Variants in LAMA1 observed in about 807,000 individuals in gnomAD.
LAMA1 encodes the protein laminin subunit alpha-1.
Under a neutral mutation model 348.7 loss-of-function variants are expected in LAMA1, and 219 were observed. The observed-to-expected ratio is 0.63, with a 90% CI of 0.56 to 0.70. The LOEUF (loss-of-function observed/expected upper bound fraction) is 0.70, where lower values mean the gene tolerates loss of function less well. Among genes scored for constraint, LAMA1 ranks in the 30% least tolerant of loss-of-function variants. The probability of loss-of-function intolerance (pLI) is 0.00; values close to 1 mark genes in which losing one functional copy is unlikely to be tolerated. For synonymous variants in LAMA1, 1,487 were observed against 1,491.0 expected, an observed-to-expected ratio of 1.00 and a Z score of 0.06; for missense variants, 3,744 against 3,888.0, an observed-to-expected ratio of 0.96 and a Z score of 0.99.
At chr18:7,018,399 C>CT (rs901034443) in intron 19 of LAMA1, among the ~76,000 whole-genome samples, 161 of 128,316 alleles carry the variant, frequency 1.3e-3, no homozygotes, top group East Asian at 1.9e-3. Flanking sequence ...TCCAGGTACT[C>CT]TTTTTTTTTT....
At chr18:7,074,053 T>C (rs2058156953) in intron 3 of LAMA1, among the ~76,000 whole-genome samples, 1 of 151,760 alleles carries the variant, frequency 6.6e-6, no homozygotes. Flanking sequence ...CGAGATGGTC[T>C]CAATCTCCTG....
At position 6,992,660 on chromosome 18, in the gene LAMA1, G is replaced by A; in HGVS notation, c.5069C>T (p.Ser1690Phe). 2 of 1,613,738 alleles carry A rather than the reference G, an allele frequency of 1.2e-6. No individual in the cohort carries two copies. The highest frequency in any genetic ancestry group is 8.5e-7 in the Non-Finnish European group (1 of 1,179,578). ...TLDEDFLLPN[S>F]TLQNMQQNGT... ...ATTCTGTTGCATGTTCTGAAGAGTA[G>A]AATTGGGTAGTAGGAAATCTTCATC... The change falls in exon 36 of 63, where the codon TCT (serine) becomes TTT (phenylalanine). Residue 1690 changes from serine to phenylalanine, a missense_variant. This residue lies in a region of LAMA1 where 1,983 missense variants were observed against 1,934.3 expected (regional missense o/e 1.03). Transcript: ENST00000389658.
chr18:7,023,900 G>A (rs971033702), intron 18 of LAMA1, among the ~76,000 whole-genome samples: 5 of 152,028 alleles, frequency 3.3e-5, no homozygotes, highest in East Asian at 1.9e-4. Flanking sequence ...GTGCAATGGC[G>A]CAATCTCCAC....
At chr18:6,962,239 T>C (rs999309983) in intron 51 of LAMA1, among the ~76,000 whole-genome samples, 180 bp from the exon 52 acceptor site, 4 of 151,932 alleles carry the variant, frequency 2.6e-5, no homozygotes, top group Admixed American at 2.0e-4. Context: ...CAGGGCAACA[T>C]AGTGAGACCC....
intron 26 of LAMA1, 118 bp from the exon 27 acceptor site, chr18:7,009,484 G>A: frequency 1.8e-6 from 2 of 1,103,792 alleles, no homozygotes; most frequent in Non-Finnish European, 2.6e-6. Flanking sequence ...TTCTGTGCAT[G>A]CCACTGAGTG....
intron 61 of LAMA1, among the ~76,000 whole-genome samples, chr18:6,945,065 A>G (rs1568001310): frequency 6.6e-6 from 1 of 152,090 alleles, no homozygotes; most frequent in Admixed American, 6.5e-5. Context: ...TAAATAAAAT[A>G]TTTTTCAAAA....
rs114089507 is a variant in LAMA1 at position 7,082,107 on chromosome 18, T to C, written c.62-1650A>G. On this transcript the variant is annotated intron_variant, in intron 1 of 62. Coordinates refer to ENST00000389658, the MANE Select transcript of LAMA1 (RefSeq NM_005559.4). Reference sequence around the variant, plus strand: ...CCATGCATCTATTAAAAAAATACATTAGGTAGTCTTTCAAAAACTTTTTAC... The same window carrying C: ...CCATGCATCTATTAAAAAAATACATCAGGTAGTCTTTCAAAAACTTTTTAC... Among the ~76,000 whole-genome samples, 683 of 152,248 alleles carry C rather than the reference T, an allele frequency of 4.5e-3. 6 individuals carry two copies. Among genetic ancestry groups the C allele is most frequent in the African/African-American group, 0.014 (586 of 41,556 alleles).
chr18:7,088,504 A>G (rs2058226648), intron 1 of LAMA1, among the ~76,000 whole-genome samples: 2 of 151,926 alleles, frequency 1.3e-5, no homozygotes, highest in African/African-American at 4.8e-5. Context: ...GTTTTAAAAA[A>G]TTATTTATTA....
chr18:7,028,496 G>T lies in LAMA1; in HGVS notation c.2275-2390C>A, dbSNP rs537268124. Among the ~76,000 whole-genome samples the T allele has an allele frequency of 3.9e-5, 6 of 152,312 alleles. No homozygotes were observed. In the East Asian group the frequency reaches 7.7e-4, roughly 20 times the overall value. ...GGCAACAGAACAATATTAAAGTACT[G>T]AAAGAGAAATCTGTAAAAATCAATT... On this transcript the variant is annotated intron_variant, in intron 16 of 62. Transcript: ENST00000389658.
chr18:7,014,038 CTGCAAT>C lies in LAMA1; in HGVS notation c.3134_3139del (p.Asn1045_Cys1046del). 6.2e-7 allele frequency: 1 copy of C among 1,613,874 alleles called. No homozygotes were observed. Among genetic ancestry groups the C allele is most frequent in the Non-Finnish European group, 8.5e-7 (1 of 1,179,868 alleles). ...CCGATGATGAGTCGACCCCACGAGA[CTGCAAT>C]TGCAGGCCTGAGAGAAGGGAAAACC... On this transcript the variant is annotated inframe_deletion, in exon 23 of 63. Transcript: ENST00000389658.
At chr18:7,067,030 T>C (rs1363094525) in intron 3 of LAMA1, among the ~76,000 whole-genome samples, 1 of 152,234 alleles carries the variant, frequency 6.6e-6, no homozygotes, top group Non-Finnish European at 1.5e-5. Context: ...AGCCAAATGA[T>C]AAAATATCAT....
chr18:6,967,518 C>A (rs1404720655), intron 48 of LAMA1, among the ~76,000 whole-genome samples: 1 of 152,162 alleles, frequency 6.6e-6, no homozygotes, highest in African/African-American at 2.4e-5. Context: ...TTTCCTTCAG[C>A]TATAAAACAG....
At chr18:7,019,674 C>CTTTTTT (rs35235323) in intron 19 of LAMA1, among the ~76,000 whole-genome samples, 19 of 94,544 alleles carry the variant, frequency 2.0e-4, no homozygotes, top group South Asian at 7.7e-4. Context: ...TATGGTAATT[C>CTTTTTT]TTTTTTTTTT....
chr18:7,116,942 G>A (rs2143846441), intron 1 of LAMA1, among the ~76,000 whole-genome samples: 1 of 152,106 alleles, frequency 6.6e-6, no homozygotes, highest in African/African-American at 2.4e-5. Context: ...TCCCTTCTCC[G>A]CTGGTCCCTC....
Position 7,026,058 on chromosome 18 carries a change from C to A in LAMA1, c.2323G>T (p.Gly775Cys). The change falls in exon 17 of 63, where the codon GGC becomes TGC. Residue 775 changes from glycine to cysteine, a missense_variant. Gly to Cys is a radical substitution (Grantham distance 159, BLOSUM62 -3). Transcript: ENST00000389658. ...CCTCGGGAAGGCTCCCCGTAGAAGC[C>A]GGGCAAGCACTGCTCACAGTGGACG... The part of the protein sequence containing the change: ...TGVHCEQCLP[G>C]FYGEPSRGTP... The A allele has an allele frequency of 6.2e-7, 1 of 1,610,518 alleles. No individual in the cohort carries two copies. Among genetic ancestry groups the A allele is most frequent in the Non-Finnish European group, 8.5e-7 (1 of 1,178,214 alleles).
intron 36 of LAMA1, 95 bp downstream of exon 36, chr18:6,992,466 C>T: frequency 7.4e-7 from 1 of 1,358,132 alleles, no homozygotes; most frequent in South Asian, 1.2e-5. Context: ...TTCCAGTGAG[C>T]ACTTTTCTTC....
chr18:7,065,783 T>C (rs911824224), intron 3 of LAMA1, among the ~76,000 whole-genome samples: 4 of 152,186 alleles, frequency 2.6e-5, no homozygotes, highest in African/African-American at 9.6e-5. Context: ...TTTAAAGCTT[T>C]ACCAAATTTC....
At chr18:6,985,212 A>G (rs2057728695) in intron 39 of LAMA1, 25 bp downstream of exon 39, 1 of 1,613,820 alleles carries the variant, frequency 6.2e-7, no homozygotes, top group South Asian at 1.1e-5. Flanking sequence ...CAAGCTCTTG[A>G]GTTCCCACAA....
chr18:7,098,434 A>G (rs1322235245), intron 1 of LAMA1, among the ~76,000 whole-genome samples: 1 of 148,390 alleles, frequency 6.7e-6, no homozygotes, highest in Non-Finnish European at 1.5e-5. Flanking sequence ...CATCACATCT[A>G]GGAAGTGAGG....
Sources: gnomAD v4.1 joint callset for allele counts (sites outside exome capture counted in the v4.1 genomes callset) on GRCh38, gnomAD v4.1.1 for gene constraint, gnomAD v4.1.1 regional missense constraint, MANE v1.5 for transcripts, NCBI Gene and HGNC (gene_info 2026-07-23, HGNC 2026-07-21) for gene names.